Variants in STXBP5L observed in about 807,000 individuals in gnomAD.
STXBP5L encodes the protein syntaxin-binding protein 5-like.
A neutral mutation model predicts 144.5 loss-of-function variants in STXBP5L; 65 were observed. The observed-to-expected ratio is 0.45, with a 90% CI of 0.37 to 0.55. The LOEUF (loss-of-function observed/expected upper bound fraction) is 0.55, where lower values mean the gene tolerates loss of function less well. STXBP5L is among the 20% of genes least tolerant of loss of function. STXBP5L has a pLI of 0.00. For synonymous variants in STXBP5L, 505 were observed against 469.6 expected (o/e 1.08, Z -0.97); for missense variants, 1,298 against 1,405.5 (o/e 0.92, Z 1.22).
At chr3:121,278,268 G>C (rs997403570) in intron 18 of STXBP5L, among the ~76,000 whole-genome samples, 2 of 151,864 alleles carry the variant, frequency 1.3e-5, no homozygotes, top group African/African-American at 2.4e-5. Context: ...TGTGAAAACT[G>C]TTGTTTAATA....
chr3:121,095,406 G>A (rs1285568503), intron 5 of STXBP5L, among the ~76,000 whole-genome samples: 4 of 152,128 alleles, frequency 2.6e-5, no homozygotes, highest in African/African-American at 9.7e-5. Context: ...CATGCTCCCC[G>A]TCACTTTCAG....
chr3:121,113,826 C>T (rs536592924), intron 5 of STXBP5L, among the ~76,000 whole-genome samples: 3 of 151,872 alleles, frequency 2.0e-5, no homozygotes, highest in Admixed American at 2.0e-4. Context: ...GCACCCACCA[C>T]CACGCCCGGC....
At chr3:121,323,207 T>A (rs1055653133) in intron 20 of STXBP5L, among the ~76,000 whole-genome samples, 6 of 152,188 alleles carry the variant, frequency 3.9e-5, no homozygotes, top group African/African-American at 1.4e-4. Context: ...GTCCCACTCA[T>A]CAATTTTTGT....
chr3:121,314,096 G>A (rs978135847), intron 19 of STXBP5L, among the ~76,000 whole-genome samples: 2 of 144,004 alleles, frequency 1.4e-5, no homozygotes, highest in African/African-American at 2.6e-5. Context: ...GGGCAGAGAC[G>A]CTCCTCACTT....
intron 21 of STXBP5L, among the ~76,000 whole-genome samples, chr3:121,380,024 G>C (rs1411530896): frequency 1.3e-5 from 2 of 152,050 alleles, no homozygotes; most frequent in Admixed American, 6.6e-5. Context: ...TGTAGAGACA[G>C]TGTCTCACTA....
In STXBP5L at chr3:121,424,600, A is replaced by G. The variant is rs2047421103; in HGVS notation, c.*5503A>G. On this transcript the variant is annotated 3_prime_UTR_variant, in exon 27 of 27. Coordinates refer to ENST00000471454, the MANE Select transcript of STXBP5L (RefSeq NM_001308330.2). ...TTTTATTCTAGGAAATAAGAAACAGATGACATCATTGATGTATCTTTCTTT... is the reference window on the plus strand; with the variant it reads ...TTTTATTCTAGGAAATAAGAAACAGGTGACATCATTGATGTATCTTTCTTT... The G allele has an allele frequency of 6.6e-6, 1 of 152,212 alleles. No homozygotes were observed. The highest frequency in any genetic ancestry group is 1.5e-5 in the Non-Finnish European group (1 of 68,042). The allele number at this position is 152,212 out of a possible 1,614,324, so 9.4% of individuals were successfully genotyped here.
chr3:121,204,335 A>G (rs2048253306), intron 9 of STXBP5L, among the ~76,000 whole-genome samples: 1 of 152,208 alleles, frequency 6.6e-6, no homozygotes, highest in Admixed American at 6.5e-5. Flanking sequence ...TCTATTTTAC[A>G]TATGGCACAG....
intron 2 of STXBP5L, among the ~76,000 whole-genome samples, chr3:120,948,240 T>C (rs1710982567): frequency 2.0e-5 from 3 of 151,202 alleles, no homozygotes; most frequent in African/African-American, 7.3e-5. Context: ...CATTTATATA[T>C]ATTATTTATT....
intron 20 of STXBP5L, among the ~76,000 whole-genome samples, chr3:121,354,946 T>A (rs1017528531): frequency 3.9e-5 from 6 of 152,178 alleles, no homozygotes. Context: ...CTCCTTCAGT[T>A]ATGAAGCTTA....
chr3:120,980,884 T>C (rs1339628756), intron 3 of STXBP5L, among the ~76,000 whole-genome samples: 4 of 152,202 alleles, frequency 2.6e-5, no homozygotes, highest in Non-Finnish European at 5.9e-5. Context: ...AAATTTCTTG[T>C]ATAGCTGGTC....
At chr3:121,076,199 C>A (rs918755016) in intron 5 of STXBP5L, among the ~76,000 whole-genome samples, 1 of 152,182 alleles carries the variant, frequency 6.6e-6, no homozygotes, top group Admixed American at 6.5e-5. Context: ...AGGCAGCCGA[C>A]CTCATCCCCT....
intron 20 of STXBP5L, among the ~76,000 whole-genome samples, chr3:121,319,198 A>G (rs1184049441): frequency 2.0e-5 from 3 of 152,138 alleles, no homozygotes; most frequent in Admixed American, 1.3e-4. Flanking sequence ...TATAATGTAT[A>G]TATAGTTTTG....
rs35583909 is a variant in STXBP5L, at chr3:121,173,323, T to TATAATAATAATAATAATA, written c.877+15708_877+15725dup. ...TGTGCATTTATCCCAGAACTTAAAA[T>TATAATAATAATAATAATA]ATAATAATAATAATAATAATAATAA... On this transcript the variant is annotated intron_variant, in intron 9 of 26. Transcript: ENST00000471454. Among the ~76,000 whole-genome samples, 612 of 146,526 alleles carry TATAATAATAATAATAATA rather than the reference T, an allele frequency of 4.2e-3. 2 individuals are homozygous for TATAATAATAATAATAATA. Among genetic ancestry groups the TATAATAATAATAATAATA allele is most frequent in the African/African-American group, 6.9e-3 (279 of 40,258 alleles).
chr3:121,177,568 C>T (rs1196790240), intron 9 of STXBP5L, among the ~76,000 whole-genome samples: 2 of 152,108 alleles, frequency 1.3e-5, no homozygotes, highest in East Asian at 1.9e-4. Flanking sequence ...GAAAATACCA[C>T]CTCACATCCA....
intron 18 of STXBP5L, among the ~76,000 whole-genome samples, chr3:121,264,942 T>C (rs1286308547): frequency 6.6e-6 from 1 of 151,878 alleles, no homozygotes; most frequent in Non-Finnish European, 1.5e-5. Context: ...ACTATATATA[T>C]GCACCCAATA....
intron 7 of STXBP5L, among the ~76,000 whole-genome samples, chr3:121,130,737 C>T (rs568491171): frequency 1.9e-4 from 29 of 152,050 alleles, no homozygotes; most frequent in African/African-American, 4.8e-4. Context: ...AATAATGACA[C>T]GATAATTTAA....
At chr3:121,091,043 C>G (rs1426406604) in intron 5 of STXBP5L, among the ~76,000 whole-genome samples, 1 of 149,614 alleles carries the variant, frequency 6.7e-6, no homozygotes, top group Admixed American at 6.8e-5. Context: ...GTTTTTTGTT[C>G]TTGTGATAGT....
At chr3:121,075,811 G>A (rs1420308682) in intron 5 of STXBP5L, among the ~76,000 whole-genome samples, 1 of 152,182 alleles carries the variant, frequency 6.6e-6, no homozygotes, top group Non-Finnish European at 1.5e-5. Context: ...GTTTGGGTCA[G>A]CGTCTATTGG....
chr3:121,139,637 G>C (rs2045410521), intron 7 of STXBP5L, among the ~76,000 whole-genome samples: 1 of 151,962 alleles, frequency 6.6e-6, no homozygotes, highest in African/African-American at 2.4e-5. Context: ...AATCAAAATG[G>C]TAATTCAAAG....
Sources: gnomAD v4.1 joint callset for allele counts (sites outside exome capture counted in the v4.1 genomes callset) on GRCh38, gnomAD v4.1.1 for gene constraint, MANE v1.5 for transcripts, NCBI Gene and HGNC (gene_info 2026-07-23, HGNC 2026-07-21) for gene names.